Variants in CEBPG observed in about 807,000 individuals in gnomAD.
The protein encoded by CEBPG is CCAAT enhancer binding protein gamma.
In CEBPG, 6 loss-of-function variants were observed where a neutral mutation model predicts 11.1. The observed-to-expected ratio is 0.54, with a 90% CI of 0.30 to 1.07. CEBPG has a LOEUF of 1.07. Among genes scored for constraint, CEBPG ranks in the 50% least tolerant of loss-of-function variants. CEBPG has a pLI of 0.07. For missense variants in CEBPG, 161 were observed against 187.4 expected (o/e 0.86, Z 0.82); for synonymous variants, 66 against 71.0 (o/e 0.93, Z 0.36).
At position 33,378,477 on chromosome 19, in the gene CEBPG, G is replaced by A. The variant is rs1275218340; in HGVS notation, c.-96-667G>A. ...AAAACACACTTTTTACAAGCTTGGT[G>A]GGATGGGGAGCAAATTGAGTGTCAG... On this transcript the variant is annotated intron_variant, in intron 1 of 1. Transcript: ENST00000284000. Among the ~76,000 whole-genome samples the A allele has an allele frequency of 2.0e-5, 3 of 152,176 alleles. No individual in the cohort carries two copies. The East Asian group carries it at 5.8e-4, about 29-fold the overall frequency.
Position 33,379,282 on chromosome 19 carries a change from G to C in CEBPG, c.43G>C (p.Gly15Arg). 1.3e-6 allele frequency: 2 copies of C among 1,586,958 alleles called. No homozygotes were observed. Among genetic ancestry groups the C allele is most frequent in the Non-Finnish European group, 1.7e-6 (2 of 1,165,816 alleles). The change falls in exon 2 of 2, where the codon GGA (glycine) becomes CGA (arginine). Residue 15 changes from glycine (G) to arginine (R), a missense_variant. By Grantham distance (125) the Gly-to-Arg change is moderately radical. Coordinates refer to ENST00000284000, the MANE Select transcript of CEBPG (RefSeq NM_001806.4). ...SQQNSTPGVN[G>R]ISVIHTQAHA... ...GCAAAACAGCACTCCAGGGGTGAACGGAATTAGTGTTATCCATACCCAGGC... is the reference window on the plus strand; with the variant it reads ...GCAAAACAGCACTCCAGGGGTGAACCGAATTAGTGTTATCCATACCCAGGC...
In CEBPG at chr19:33,380,265, A is replaced by G. The variant is rs1967968627; in HGVS notation, c.*573A>G. 1 of 167,100 alleles carries G rather than the reference A, an allele frequency of 6.0e-6. No homozygotes were observed. Among genetic ancestry groups the G allele is most frequent in the African/African-American group, 2.4e-5 (1 of 41,466 alleles). The allele number at this position is 167,100 out of a possible 1,614,324, so 10.4% of individuals were successfully genotyped here. On this transcript the variant is annotated 3_prime_UTR_variant, in exon 2 of 2. Transcript: ENST00000284000. ...CCCCCAAAAGTACAAGTTTTTGAGTAGCAATGTCAGGTTAAGTAAAGAAAC... is the reference window on the plus strand; with the variant it reads ...CCCCCAAAAGTACAAGTTTTTGAGTGGCAATGTCAGGTTAAGTAAAGAAAC...
chr19:33,376,142 A>G (rs141723495), intron 1 of CEBPG, among the ~76,000 whole-genome samples: 17 of 152,280 alleles, frequency 1.1e-4, no homozygotes, highest in African/African-American at 4.1e-4. Flanking sequence ...ATCTGTGACT[A>G]TTTTGAAATG....
At chr19:33,378,905 A>T (rs1479803232) in intron 1 of CEBPG, among the ~76,000 whole-genome samples, 2 of 152,224 alleles carry the variant, frequency 1.3e-5, no homozygotes, top group Non-Finnish European at 2.9e-5. Context: ...TAACAATCGC[A>T]GAGGGGCAGT....
Position 33,380,033 on chromosome 19 carries a change from T to G in CEBPG, c.*341T>G, listed in dbSNP as rs1468904732. The G allele has an allele frequency of 4.8e-6, 1 of 208,628 alleles. No individual in the cohort carries two copies. Among genetic ancestry groups the G allele is most frequent in the Non-Finnish European group, 1.0e-5 (1 of 95,462 alleles). 12.9% of individuals were successfully genotyped at this position (208,628 alleles called of 1,614,324 possible). The stretch of plus-strand genomic sequence containing the variant: ...TAAGTTGACAAAAGGAATGGGGAAC[T>G]GGCAGGCCGCGCAGAAGGTTCTTGG... On this transcript the variant is annotated 3_prime_UTR_variant, in exon 2 of 2. Coordinates refer to ENST00000284000, the MANE Select transcript of CEBPG (RefSeq NM_001806.4).
rs996577640 is a variant in CEBPG at position 33,373,757 on chromosome 19, C to G, written c.-235C>G. 1 of 151,230 alleles carries G rather than the reference C, an allele frequency of 6.6e-6. No homozygotes were observed. The highest frequency in any genetic ancestry group is 1.5e-5 in the Non-Finnish European group (1 of 67,820). The allele number at this position is 151,230 out of a possible 1,614,324, so 9.4% of individuals were successfully genotyped here. A position where few individuals can be genotyped will look rare whatever the true frequency, so the allele number is the denominator to read the frequency against. On this transcript the variant is annotated 5_prime_UTR_variant, in exon 1 of 2. Coordinates refer to ENST00000284000, the MANE Select transcript of CEBPG (RefSeq NM_001806.4). ...GAAGCCGGTGGCCGCGGCTGCGGAA[C>G]GGGCGGAGGCTGCCGGTTTCGTAAC...
rs922116101 is a variant in CEBPG, at chr19:33,381,353, A to G, written c.*1661A>G. ...GGAGAAGACATCATGGTGTCCAGCA[A>G]CTCAGCAAAGCCATTCTTAAGAGTC... is the stretch of plus-strand genomic sequence containing the variant. On this transcript the variant is annotated 3_prime_UTR_variant, in exon 2 of 2. Transcript: ENST00000284000. 3.6e-5 allele frequency: 6 copies of G among 167,058 alleles called. No homozygotes were observed. Among genetic ancestry groups the G allele is most frequent in the Non-Finnish European group, 5.9e-5 (4 of 68,144 alleles). The allele number at this position is 167,058 out of a possible 1,614,324, so 10.3% of individuals were successfully genotyped here. A position where few individuals can be genotyped will look rare whatever the true frequency, so the allele number is the denominator to read the frequency against.
chr19:33,381,372 A>G lies in CEBPG; in HGVS notation c.*1680A>G, dbSNP rs932123327. ...CCAGCAACTCAGCAAAGCCATTCTTAAGAGTCGTGAGGTCCTTCTGAATGT... is the reference window on the plus strand; with the variant it reads ...CCAGCAACTCAGCAAAGCCATTCTTGAGAGTCGTGAGGTCCTTCTGAATGT... On this transcript the variant is annotated 3_prime_UTR_variant, in exon 2 of 2. Coordinates refer to ENST00000284000, the MANE Select transcript of CEBPG (RefSeq NM_001806.4). The G allele has an allele frequency of 6.0e-6, 1 of 167,114 alleles. No individual in the cohort carries two copies. The highest frequency in any genetic ancestry group is 2.4e-5 in the African/African-American group (1 of 41,464). The allele number at this position is 167,114 out of a possible 1,614,324, so 10.4% of individuals were successfully genotyped here.
intron 1 of CEBPG, among the ~76,000 whole-genome samples, chr19:33,376,699 C>G (rs1233409252): frequency 6.6e-6 from 1 of 152,202 alleles, no homozygotes; most frequent in Non-Finnish European, 1.5e-5. Flanking sequence ...ATCCTGTAGC[C>G]TGAACTTTGG....
In CEBPG at chr19:33,379,265, G is replaced by C. The variant is rs780892290; in HGVS notation, c.26G>C (p.Ser9Thr). The change falls in exon 2 of 2, where the codon AGC (serine) becomes ACC (threonine). Residue 9 changes from serine to threonine, a missense_variant. Ser to Thr is a moderately conservative substitution (Grantham distance 58, BLOSUM62 1). Transcript: ENST00000284000. ...ATGAGCAAGATATCGCAGCAAAACA[G>C]CACTCCAGGGGTGAACGGAATTAGT... MSKISQQNSTPGVNGISVI... is the reference protein window; with the variant it reads MSKISQQNTTPGVNGISVI... 6.4e-7 allele frequency: 1 copy of C among 1,552,998 alleles called. No homozygotes were observed. The highest frequency in any genetic ancestry group is 1.4e-5 in the African/African-American group (1 of 72,648).
chr19:33,374,394 C>A (rs1967884779), intron 1 of CEBPG: 1 of 152,216 alleles, frequency 6.6e-6, no homozygotes, highest in Non-Finnish European at 1.5e-5. Context: ...TTCAGAAGTT[C>A]AAAGACTGAT....
rs1301185227 is a variant in CEBPG, at chr19:33,381,424, C to T, written c.*1732C>T. ...AAACTGGAGCCCAGGAGAAGCTGTC[C>T]CAGGAGGGCTGTTAACTCCCTATAG... On this transcript the variant is annotated 3_prime_UTR_variant, in exon 2 of 2. Transcript: ENST00000284000. The T allele has an allele frequency of 6.0e-6, 1 of 166,952 alleles. No individual in the cohort carries two copies. The highest frequency in any genetic ancestry group is 2.4e-5 in the African/African-American group (1 of 41,422). 10.3% of individuals were successfully genotyped at this position (166,952 alleles called of 1,614,324 possible).
At chr19:33,377,655 C>G (rs992498757) in intron 1 of CEBPG, among the ~76,000 whole-genome samples, 1 of 152,110 alleles carries the variant, frequency 6.6e-6, no homozygotes, top group African/African-American at 2.4e-5. Context: ...CTAATGATGA[C>G]CAAGGGAAAT....
intron 1 of CEBPG, among the ~76,000 whole-genome samples, chr19:33,374,914 A>C (rs1052853306): frequency 9.9e-5 from 15 of 152,218 alleles, no homozygotes; most frequent in African/African-American, 3.6e-4. Flanking sequence ...AGAAAATCCT[A>C]TAAGGGCTTG....
Position 33,379,411 on chromosome 19 carries a change from A to T in CEBPG, c.172A>T (p.Met58Leu). The T allele has an allele frequency of 1.2e-6, 2 of 1,614,146 alleles. No individual in the cohort carries two copies. The highest frequency in any genetic ancestry group is 1.7e-6 in the Non-Finnish European group (2 of 1,180,022). The change falls in exon 2 of 2, where the codon ATG becomes TTG. Residue 58 changes from methionine (M) to leucine (L), a missense_variant. By Grantham distance (15) the Met-to-Leu change is conservative. Coordinates refer to ENST00000284000, the MANE Select transcript of CEBPG (RefSeq NM_001806.4). ...CAAGCAGAGCAAAAAGAGTTCGCCC[A>T]TGGATCGAAACAGTGACGAGTATCG... Reference protein sequence around the residue: ...PSKQSKKSSPMDRNSDEYRQR... With the variant: ...PSKQSKKSSPLDRNSDEYRQR...
Position 33,379,213 on chromosome 19 carries a change from T to C in CEBPG, c.-27T>C, listed in dbSNP as rs766492983. ...TCACCCTGCTCTCATTTCTACCTGT[T>C]CTGTGTTGGCAAGGGAGAGTGCCCA... is the stretch of plus-strand genomic sequence containing the variant. On this transcript the variant is annotated 5_prime_UTR_variant, in exon 2 of 2. Transcript: ENST00000284000. The C allele has an allele frequency of 6.6e-7, 1 of 1,512,496 alleles. No individual in the cohort carries two copies. The highest frequency in any genetic ancestry group is 8.8e-7 in the Non-Finnish European group (1 of 1,130,634). The allele number at this position is 1,512,496 out of a possible 1,614,324, so 93.7% of individuals were successfully genotyped here.
chr19:33,375,276 G>A (rs1352144172), intron 1 of CEBPG, among the ~76,000 whole-genome samples: 2 of 152,182 alleles, frequency 1.3e-5, no homozygotes, highest in Non-Finnish European at 2.9e-5. Flanking sequence ...TCATCCCTGG[G>A]AAATTAAACA....
chr19:33,376,070 G>GTT (rs1967908345), intron 1 of CEBPG, among the ~76,000 whole-genome samples: 1 of 151,188 alleles, frequency 6.6e-6, no homozygotes, highest in Admixed American at 6.6e-5. Flanking sequence ...TTTTTTTTTT[G>GTT]TTTGTTTTAG....
chr19:33,376,488 C>T (rs1967913737), intron 1 of CEBPG, among the ~76,000 whole-genome samples: 1 of 152,170 alleles, frequency 6.6e-6, no homozygotes, highest in Admixed American at 6.5e-5. Context: ...TGGAGGTCTC[C>T]TTATGAAAAG....
Sources: allele counts gnomAD v4.1 joint callset (sites outside exome capture counted in the v4.1 genomes callset), GRCh38; gene constraint gnomAD v4.1.1; transcripts MANE v1.5; gene names NCBI Gene and HGNC (gene_info 2026-07-23, HGNC 2026-07-21).